The following TAF1 variants were observed in gnomAD, a reference collection of about 807,000 sequenced individuals.
TAF1 encodes transcription initiation factor TFIID subunit 1.
Under a neutral mutation model 138.5 loss-of-function variants are expected in TAF1, and 2 were observed. The observed-to-expected ratio is 0.01, with a 90% CI of 0.01 to 0.05. The LOEUF (loss-of-function observed/expected upper bound fraction) is 0.05, where lower values mean the gene tolerates loss of function less well. Among genes scored for constraint, TAF1 ranks in the 10% least tolerant of loss-of-function variants. The pLI is 1.00. For missense variants in TAF1, 709 were observed against 1,478.0 expected (o/e 0.48, Z 8.53); for synonymous variants, 437 against 503.2 (o/e 0.87, Z 1.76).
chrX:71,465,745 A>G lies in TAF1; in HGVS notation c.*1699A>G, dbSNP rs1001145106. ...GAAGAAAGAAATTGAAGAATCATGT[A>G]ACATATGTGATCGCATTTTTGTAAA... On this transcript the variant is annotated 3_prime_UTR_variant, in exon 38 of 38. Transcript: ENST00000423759. 1.8e-5 allele frequency: 2 copies of G among 112,110 alleles called. No homozygotes were observed. The highest frequency in any genetic ancestry group is 6.5e-5 in the African/African-American group (2 of 30,860). 9.2% of individuals were successfully genotyped at this position (112,110 alleles called of 1,213,427 possible).
chrX:71,387,157 G>T, intron 14 of TAF1, 104 bp from the exon 15 acceptor site: 1 of 834,010 alleles, frequency 1.2e-6, no homozygotes, highest in Non-Finnish European at 1.7e-6. Context: ...CTTAGATGGC[G>T]TAATTAAGAT....
In TAF1 at chrX:71,388,725, A is replaced by G. The variant is rs1458223482; in HGVS notation, c.2570-13A>G. The G allele has an allele frequency of 3.3e-6, 4 of 1,211,154 alleles. No homozygotes were observed. The highest frequency in any genetic ancestry group is 3.0e-5 in the East Asian group (1 of 33,825). On this transcript the variant is annotated splice_polypyrimidine_tract_variant and intron_variant, in intron 16 of 37. Transcript: ENST00000423759. Reference sequence around the variant, plus strand: ...CAGAATGGTCTCATTCTCTATGTATATGTCTTTTCCAGGGATGGACTCAAA... The same window carrying G: ...CAGAATGGTCTCATTCTCTATGTATGTGTCTTTTCCAGGGATGGACTCAAA...
intron 32 of TAF1, among the ~76,000 whole-genome samples, chrX:71,429,069 A>G (rs747531395): frequency 9.0e-6 from 1 of 111,111 alleles, no homozygotes; most frequent in South Asian, 3.8e-4. Flanking sequence ...AGGTCAGGAG[A>G]TCGAAACCAT....
rs2033617043 is a variant in TAF1 at position 71,378,152 on chromosome X, C to T, written c.934-83C>T. On this transcript the variant is annotated intron_variant, in intron 6 of 37. Transcript: ENST00000423759. ...ATCATCCTCAGTTTCTCTAAGTTCC[C>T]CTCCTGACTGTTAACTCTCTATAGC... The T allele has an allele frequency of 3.0e-5, 29 of 975,276 alleles. No homozygotes were observed. In the South Asian group the frequency reaches 6.2e-4, roughly 21 times the overall value. 80.4% of individuals were successfully genotyped at this position (975,276 alleles called of 1,213,427 possible).
chrX:71,497,242 G>A (rs771316438), intron 13 of TAF1, among the ~76,000 whole-genome samples: 15 of 111,763 alleles, frequency 1.3e-4, no homozygotes, highest in Non-Finnish European at 2.4e-4. Flanking sequence ...GATCCTCTCG[G>A]GTGGCATAAG....
chrX:71,458,683 A>G (rs765004699), intron 35 of TAF1, among the ~76,000 whole-genome samples: 39 of 112,155 alleles, frequency 3.5e-4, no homozygotes, highest in Non-Finnish European at 5.1e-4. Context: ...AGACAGTTCA[A>G]AATAATTGGC....
chrX:71,399,546 AC>A (rs1183879331), intron 24 of TAF1, among the ~76,000 whole-genome samples: 1 of 90,349 alleles, frequency 1.1e-5, no homozygotes, highest in Non-Finnish European at 2.1e-5. Context: ...ATAAGCCACC[AC>A]GCCTGGCTTG....
Position 71,525,658 on chromosome X carries a change from AT to A in TAF1, c.1367-2872del, listed in dbSNP as rs1164318296. On this transcript the variant is annotated intron_variant and NMD_transcript_variant, in intron 13 of 14. Coordinates refer to the TAF1 transcript ENST00000373775. Reference sequence around the variant, plus strand: ...AATAAAAATAAACAAACAAAAAACTATTTTTTTTTTTTGAGACAGGGTCTTG... The same window carrying A: ...AATAAAAATAAACAAACAAAAAACTATTTTTTTTTTTGAGACAGGGTCTTG... Among the ~76,000 whole-genome samples, 314 of 103,402 alleles carry A rather than the reference AT, an allele frequency of 3.0e-3. 1 individual carries two copies. Among genetic ancestry groups the A allele is most frequent in the Admixed American group, 6.3e-3 (60 of 9,545 alleles). 89.8% of individuals were successfully genotyped at this position (103,402 alleles called of 115,157 possible).
At chrX:71,386,170 A>AT (rs984425212) in intron 14 of TAF1, among the ~76,000 whole-genome samples, 2 of 110,667 alleles carry the variant, frequency 1.8e-5, no homozygotes, top group African/African-American at 6.6e-5. Context: ...TCAAAAAAAA[A>AT]AAAAAAAGAT....
intron 21 of TAF1, 99 bp downstream of exon 21, chrX:71,393,575 A>AC: frequency 3.0e-6 from 3 of 997,198 alleles, no homozygotes; most frequent in Non-Finnish European, 4.0e-6. Flanking sequence ...AAGTTTGACT[A>AC]CCTAGGTAGT....
chrX:71,417,703 A>G (rs1259832744), intron 28 of TAF1, among the ~76,000 whole-genome samples: 1 of 111,416 alleles, frequency 9.0e-6, no homozygotes, highest in Non-Finnish European at 1.9e-5. Flanking sequence ...AACTTATAGC[A>G]TACTGTGTTG....
intron 32 of TAF1, 149 bp from the exon 33 acceptor site, chrX:71,454,021 T>G (rs1163185306): frequency 1.1e-5 from 5 of 447,920 alleles, no homozygotes; most frequent in Non-Finnish European, 1.9e-5. Context: ...TTTGGAATTT[T>G]CTGCCTCTGA....
chrX:71,497,583 C>G (rs2039419563), intron 13 of TAF1, among the ~76,000 whole-genome samples: 1 of 111,734 alleles, frequency 8.9e-6, no homozygotes, highest in Non-Finnish European at 1.9e-5. Flanking sequence ...ACGTATGCCA[C>G]TGGTTGTGGG....
rs1188632009 is a variant in TAF1, at chrX:71,398,726, C to A, written c.3775C>A (p.Pro1259Thr). The A allele has an allele frequency of 8.3e-7, 1 of 1,202,513 alleles. No homozygotes were observed. ...EKKPKKMKER[P>T]DLKLKCGACG... ...GAAGCCCAAGAAAATGAAGGAGCGT[C>A]CTGACCTAAAAGTAAGTATAATGTG... is the stretch of plus-strand genomic sequence containing the variant. The change falls in exon 24 of 38, where the codon CCT (proline) becomes ACT (threonine). Residue 1259 changes from proline to threonine, a missense_variant. Physicochemically the swap from Pro to Thr is conservative, Grantham distance 38. This residue lies in a region of TAF1 where 21 missense variants were observed against 101.3 expected (regional missense o/e 0.21). Coordinates refer to ENST00000423759, the MANE Select transcript of TAF1 (RefSeq NM_004606.5).
chrX:71,487,314 T>C (rs1029951447), intron 13 of TAF1, among the ~76,000 whole-genome samples: 1 of 105,278 alleles, frequency 9.5e-6, no homozygotes, highest in Non-Finnish European at 1.9e-5. Flanking sequence ...ATCTAATGTA[T>C]GTATTTTTTT....
intron 13 of TAF1, among the ~76,000 whole-genome samples, chrX:71,524,564 G>C (rs2039960978): frequency 9.1e-6 from 1 of 109,702 alleles, no homozygotes; most frequent in Non-Finnish European, 1.9e-5. Context: ...CAGAGAAAAA[G>C]CTGGGTGTGG....
intron 14 of TAF1, among the ~76,000 whole-genome samples, chrX:71,529,261 C>T (rs969015718): frequency 1.6e-4 from 18 of 109,947 alleles, no homozygotes; most frequent in East Asian, 2.9e-4. Context: ...TTAGTAGAGA[C>T]GGGGTTTCAC....
At chrX:71,422,156 C>G (rs1040738174) in intron 29 of TAF1, among the ~76,000 whole-genome samples, 3 of 111,616 alleles carry the variant, frequency 2.7e-5, no homozygotes, top group Non-Finnish European at 5.6e-5. Flanking sequence ...ACAGCAAAAA[C>G]AGAGAGCATG....
chrX:71,389,826 C>T (rs1476071074), intron 18 of TAF1, 161 bp downstream of exon 18: 1 of 379,482 alleles, frequency 2.6e-6, no homozygotes, highest in Non-Finnish European at 4.4e-6. Flanking sequence ...TGCGATATAT[C>T]AAATATTATA....
Sources: gnomAD v4.1 joint callset for allele counts (sites outside exome capture counted in the v4.1 genomes callset) on GRCh38, gnomAD v4.1.1 for gene constraint, gnomAD v4.1.1 regional missense constraint, MANE v1.5 for transcripts, NCBI Gene and HGNC (gene_info 2026-07-23, HGNC 2026-07-21) for gene names.